The following CTCF variants were observed in gnomAD, a reference collection of about 807,000 sequenced individuals.
CTCF encodes the protein transcriptional repressor CTCF.
Under a neutral mutation model 72.3 loss-of-function variants are expected in CTCF, and 7 were observed. The observed-to-expected ratio is 0.10, with a 90% confidence interval of 0.06 to 0.18. CTCF has a LOEUF of 0.18. CTCF is among the 10% of genes least tolerant of loss of function. The pLI is 1.00. For synonymous variants in CTCF, 374 were observed against 315.8 expected, an observed-to-expected ratio of 1.18 and a Z score of -1.95; for missense variants, 516 against 949.1, an observed-to-expected ratio of 0.54 and a Z score of 6.00.
chr16:67,618,053 A>G (rs2052156150), intron 5 of CTCF, among the ~76,000 whole-genome samples: 1 of 152,200 alleles, frequency 6.6e-6, no homozygotes, highest in African/African-American at 2.4e-5. Flanking sequence ...AAATTCAGTA[A>G]TCATTAATTA....
intron 5 of CTCF, among the ~76,000 whole-genome samples, chr16:67,618,941 G>T (rs1228952484): frequency 2.6e-5 from 4 of 152,202 alleles, no homozygotes; most frequent in Admixed American, 2.6e-4. Flanking sequence ...AGAATGAGGG[G>T]CTTGTGCCAT....
At chr16:67,612,515 G>A (rs531591804) in intron 4 of CTCF, 37 of 153,434 alleles carry the variant, frequency 2.4e-4, no homozygotes, top group Non-Finnish European at 4.0e-4. Flanking sequence ...GCGTGAACCC[G>A]GGAGGTGGAG....
intron 2 of CTCF, among the ~76,000 whole-genome samples, chr16:67,604,022 C>T (rs1291715244): frequency 3.4e-5 from 5 of 145,358 alleles, no homozygotes; most frequent in African/African-American, 1.0e-4. Flanking sequence ...CCCAGCTACT[C>T]GGGAGGCTGA....
At chr16:67,592,409 T>TA (rs1052198592) in intron 2 of CTCF, among the ~76,000 whole-genome samples, 1 of 151,554 alleles carries the variant, frequency 6.6e-6, no homozygotes, top group African/African-American at 2.4e-5. Flanking sequence ...AGAATCTGTC[T>TA]AAAAAAATAA....
chr16:67,587,506 A>G (rs1168596890), intron 2 of CTCF, among the ~76,000 whole-genome samples: 2 of 151,032 alleles, frequency 1.3e-5, no homozygotes, highest in Non-Finnish European at 2.9e-5. Context: ...AGTTCACCCT[A>G]TCATGTGTGC....
chr16:67,573,887 C>T (rs75794779), intron 2 of CTCF, among the ~76,000 whole-genome samples: 5,793 of 151,812 alleles, frequency 0.038, 366 homozygotes, highest in African/African-American at 0.13. Context: ...AAAATTTAGC[C>T]GGGCGTTGTG....
At chr16:67,606,796 A>G (rs2051979648) in intron 2 of CTCF, among the ~76,000 whole-genome samples, 1 of 111,228 alleles carries the variant, frequency 9.0e-6, no homozygotes. Flanking sequence ...TTTCACTCTT[A>G]TCGCCCAGGC....
intron 3 of CTCF, 21 bp downstream of exon 3, chr16:67,611,634 G>A (rs2052064408): frequency 1.3e-6 from 2 of 1,597,964 alleles, no homozygotes; most frequent in African/African-American, 1.4e-5. Flanking sequence ...TTTATCCATA[G>A]TGGTTTCATA....
intron 4 of CTCF, 170 bp from the exon 5 acceptor site, chr16:67,616,575 C>T (rs2052134385): frequency 1.5e-6 from 1 of 680,842 alleles, no homozygotes; most frequent in South Asian, 1.8e-5. Flanking sequence ...ATAAATTCAT[C>T]CAGGCCCTCC....
chr16:67,631,994 G>C (rs1327491225), intron 10 of CTCF, among the ~76,000 whole-genome samples: 1 of 150,968 alleles, frequency 6.6e-6, no homozygotes, highest in African/African-American at 2.4e-5. Context: ...AGGATGGCTT[G>C]AGCCCAGTAG....
chr16:67,629,314 T>A (rs1393643682), intron 9 of CTCF, 84 bp from the exon 10 acceptor site: 1 of 1,349,348 alleles, frequency 7.4e-7, no homozygotes, highest in Non-Finnish European at 1.0e-6. Context: ...TTAGGCTTAA[T>A]ATGGATTTTA....
At chr16:67,607,365 G>A (rs991047873) in intron 2 of CTCF, among the ~76,000 whole-genome samples, 4 of 151,932 alleles carry the variant, frequency 2.6e-5, no homozygotes, top group Non-Finnish European at 5.9e-5. Context: ...GAATGCAGGG[G>A]CACTTTCTCA....
At chr16:67,634,655 C>T (rs1444382470) in intron 10 of CTCF, among the ~76,000 whole-genome samples, 1 of 151,052 alleles carries the variant, frequency 6.6e-6, no homozygotes, top group Non-Finnish European at 1.5e-5. Context: ...GTAGCTGGGA[C>T]TACAGACACA....
chr16:67,599,990 G>T (rs888085690), intron 2 of CTCF, among the ~76,000 whole-genome samples: 2 of 152,142 alleles, frequency 1.3e-5, no homozygotes, highest in African/African-American at 4.8e-5. Flanking sequence ...GTGCTCAGGG[G>T]GGCTGGTGAA....
chr16:67,632,952 G>A lies in CTCF; in HGVS notation c.1837+3419G>A, dbSNP rs552004010. ...AGGCAGGCAGTGTACATTTTGTGCC[G>A]CAGCCATGGGGGAGGGATAACAAAA... On this transcript the variant is annotated intron_variant, in intron 10 of 11. Coordinates refer to ENST00000264010, the MANE Select transcript of CTCF (RefSeq NM_006565.4). Among the ~76,000 whole-genome samples, 8 of 152,258 alleles carry A rather than the reference G, an allele frequency of 5.3e-5. No homozygotes were observed. The East Asian group carries it at 5.8e-4, about 11-fold the overall frequency.
chr16:67,631,293 T>C (rs141986457), intron 10 of CTCF, among the ~76,000 whole-genome samples: 13 of 152,064 alleles, frequency 8.5e-5, no homozygotes, highest in Admixed American at 3.3e-4. Context: ...GCTTCCCAGG[T>C]AGCTGGGATT....
chr16:67,628,647 A>G, intron 9 of CTCF, 95 bp downstream of exon 9: 2 of 1,193,334 alleles, frequency 1.7e-6, no homozygotes, highest in Admixed American at 3.9e-5. Flanking sequence ...CACTGAGGTT[A>G]TAAACAGAGA....
At chr16:67,595,166 A>G (rs926834805) in intron 2 of CTCF, among the ~76,000 whole-genome samples, 4 of 152,212 alleles carry the variant, frequency 2.6e-5, no homozygotes, top group Non-Finnish European at 1.5e-5. Context: ...TATTCTGGAT[A>G]GAACAAGACT....
intron 2 of CTCF, among the ~76,000 whole-genome samples, chr16:67,577,499 G>A (rs536115268): frequency 6.6e-6 from 1 of 150,642 alleles, no homozygotes. Context: ...GTGCAGTGGT[G>A]CGATATTGGC....
Sources: allele counts gnomAD v4.1 joint callset (sites outside exome capture counted in the v4.1 genomes callset), GRCh38; gene constraint gnomAD v4.1.1; transcripts MANE v1.5; gene names NCBI Gene and HGNC (gene_info 2026-07-23, HGNC 2026-07-21).